The following NME2 variants were observed in gnomAD, a reference collection of about 807,000 sequenced individuals.
NME2 encodes nucleoside diphosphate kinase B.
NME2 carries 18 observed loss-of-function variants against 17.8 expected under a neutral mutation model. That is an observed-to-expected ratio of 1.01 (90% CI 0.70 to 1.50). The LOEUF (loss-of-function observed/expected upper bound fraction) is 1.50, where lower values mean the gene tolerates loss of function less well. NME2 is among the 40% of genes most tolerant of loss of function. The pLI, the probability that NME2 is intolerant of heterozygous loss-of-function variation, is 0.00. For synonymous variants in NME2, 74 were observed against 71.4 expected, an observed-to-expected ratio of 1.04 and a Z score of -0.19; for missense variants, 161 against 195.6, an observed-to-expected ratio of 0.82 and a Z score of 1.05.
chr17:51,168,448 G>A, intron 3 of NME2, 105 bp downstream of exon 3: 2 of 1,224,342 alleles, frequency 1.6e-6, no homozygotes, highest in Non-Finnish European at 2.3e-6. Context: ...AATGGAACCT[G>A]CTGAAGTTAC....
intron 4 of NME2, among the ~76,000 whole-genome samples, chr17:51,171,217 T>C (rs1356433129): frequency 6.6e-5 from 10 of 152,348 alleles, no homozygotes; most frequent in African/African-American, 2.4e-4. Flanking sequence ...GAGTGTTTTA[T>C]GTCTTCGGCA....
intron 2 of NME2, among the ~76,000 whole-genome samples, chr17:51,167,829 A>C (rs1187386727): frequency 6.6e-6 from 1 of 152,122 alleles, no homozygotes; most frequent in African/African-American, 2.4e-5. Flanking sequence ...TAAATAAATA[A>C]ATAAATAAAA....
chr17:51,167,039 C>G, intron 2 of NME2, 83 bp downstream of exon 2: 1 of 1,605,558 alleles, frequency 6.2e-7, no homozygotes, highest in Admixed American at 1.7e-5. Context: ...TCCGCGTCTG[C>G]TTTCCGAGTT....
At chr17:51,167,132 G>A in intron 2 of NME2, 176 bp downstream of exon 2, 1 of 1,373,308 alleles carries the variant, frequency 7.3e-7, no homozygotes, top group South Asian at 1.4e-5. Flanking sequence ...GGGGTGGTGG[G>A]GACAGACGCC....
chr17:51,167,242 A>T (rs1448049002), intron 2 of NME2: 1 of 508,180 alleles, frequency 2.0e-6, no homozygotes, highest in African/African-American at 2.0e-5. Flanking sequence ...GGCAGCAGGG[A>T]GCGGAAAAAC....
Position 51,168,468 on chromosome 17 carries a change from C to T in NME2, c.228+125C>T, listed in dbSNP as rs1333914330. 4.2e-6 allele frequency: 4 copies of T among 941,902 alleles called. No homozygotes were observed. The East Asian group carries it at 1.1e-4, about 26-fold the overall frequency. 58.3% of individuals were successfully genotyped at this position (941,902 alleles called of 1,614,324 possible). ...AACCTGCTGAAGTTACTTAACTGAGCAACTAGGAGCTTGGGAGGAGAAAGC... is the reference window on the plus strand; with the variant it reads ...AACCTGCTGAAGTTACTTAACTGAGTAACTAGGAGCTTGGGAGGAGAAAGC... On this transcript the variant is annotated intron_variant, in intron 3 of 4. Transcript: ENST00000512737.
At chr17:51,166,748 G>A in intron 1 of NME2, 79 bp from the exon 2 acceptor site, 1 of 1,417,722 alleles carries the variant, frequency 7.1e-7, no homozygotes, top group Middle Eastern at 2.4e-4. Context: ...GGGGAGGAGG[G>A]ACCGGCGGCG....
intron 1 of NME2, 124 bp downstream of exon 1, chr17:51,166,621 C>G (rs887912853): frequency 1.4e-5 from 5 of 365,506 alleles, no homozygotes; most frequent in African/African-American, 1.1e-4. Context: ...GGCGTCGGAG[C>G]GGGAGATTCC....
chr17:51,168,584 T>C (rs2049997542), intron 3 of NME2, among the ~76,000 whole-genome samples: 1 of 152,110 alleles, frequency 6.6e-6, no homozygotes, highest in African/African-American at 2.4e-5. Flanking sequence ...GGTAGGAGAA[T>C]TGCTTGAACC....
At chr17:51,166,977 C>T in intron 2 of NME2, 21 bp downstream of exon 2, 1 of 1,611,380 alleles carries the variant, frequency 6.2e-7, no homozygotes, top group Non-Finnish European at 8.5e-7. Flanking sequence ...CCCGTCTCCC[C>T]TTCCCCGCTG....
At position 51,171,518 on chromosome 17, in the gene NME2, A is replaced by T. The variant is rs375118509; in HGVS notation, c.373A>T (p.Ser125Cys). The change falls in exon 5 of 5, where the codon AGT becomes TGT. Residue 125 changes from serine (S) to cysteine (C), a missense_variant. Transcript: ENST00000512737. ...CATTCATGGCAGTGATTCAGTAAAA[A>T]GTGCTGAAAAAGAAATCAGCCTATG... is the stretch of plus-strand genomic sequence containing the variant. ...NIIHGSDSVKSAEKEISLWFK... is the reference protein window; with the variant it reads ...NIIHGSDSVKCAEKEISLWFK... The T allele has an allele frequency of 1.3e-5, 21 of 1,613,678 alleles. No homozygotes were observed. The highest frequency in any genetic ancestry group is 1.5e-5 in the Non-Finnish European group (18 of 1,179,748).
intron 4 of NME2, among the ~76,000 whole-genome samples, chr17:51,170,629 A>G (rs2050052032): frequency 6.6e-6 from 1 of 151,754 alleles, no homozygotes; most frequent in African/African-American, 2.4e-5. Context: ...CGTCTCTACT[A>G]AAAGTAAAAA....
chr17:51,166,666 G>A, intron 1 of NME2, 161 bp from the exon 2 acceptor site: 1 of 642,444 alleles, frequency 1.6e-6, no homozygotes, highest in Non-Finnish European at 2.2e-6. Context: ...TTCGGGCTCC[G>A]CAGAGGGACG....
chr17:51,169,743 C>A, intron 3 of NME2, 194 bp from the exon 4 acceptor site: 1 of 523,596 alleles, frequency 1.9e-6, no homozygotes, highest in Non-Finnish European at 3.3e-6. Flanking sequence ...CCAAGTTGGA[C>A]AGACTTTTCT....
intron 3 of NME2, chr17:51,169,640 C>T (rs551588389): frequency 6.7e-6 from 2 of 298,716 alleles, no homozygotes; most frequent in East Asian, 2.1e-4. Context: ...AGACTGGCCA[C>T]TTTCTCCTTT....
At chr17:51,167,034 G>A (rs867082303) in intron 2 of NME2, 78 bp downstream of exon 2, 4 of 1,606,484 alleles carry the variant, frequency 2.5e-6, no homozygotes, top group African/African-American at 2.7e-5. Flanking sequence ...GTTTGTCCGC[G>A]TCTGCTTTCC....
chr17:51,170,851 GACA>G (rs1031079604), intron 4 of NME2, among the ~76,000 whole-genome samples: 1 of 149,394 alleles, frequency 6.7e-6, no homozygotes. Flanking sequence ...TTTTAAGCAA[GACA>G]ACAAGGGAGC....
chr17:51,166,813 C>G lies in NME2; in HGVS notation c.-4-14C>G. ...GCCTGCGCCCGGGCCCTGACCGCAC[C>G]TCTCGCCCCGCAGGACCATGGCCAA... On this transcript the variant is annotated splice_polypyrimidine_tract_variant and intron_variant, in intron 1 of 4. Coordinates refer to ENST00000512737, the MANE Select transcript of NME2 (RefSeq NM_002512.4). 2.5e-6 allele frequency: 4 copies of G among 1,604,218 alleles called. No homozygotes were observed. Among genetic ancestry groups the G allele is most frequent in the Non-Finnish European group, 3.4e-6 (4 of 1,175,884 alleles).
In NME2 at chr17:51,170,062, A is replaced by T. The variant is rs764460380; in HGVS notation, c.341+13A>T. 1 of 1,598,052 alleles carries T rather than the reference A, an allele frequency of 6.3e-7. No homozygotes were observed. Among genetic ancestry groups the T allele is most frequent in the South Asian group, 1.1e-5 (1 of 88,678 alleles). On this transcript the variant is annotated intron_variant, in intron 4 of 4. Coordinates refer to ENST00000512737, the MANE Select transcript of NME2 (RefSeq NM_002512.4). ...TTCAGGTTGGCAGGTAAGTCCGGGGACAGGAGGGTGGATGACTTTTATGCA... is the reference window on the plus strand; with the variant it reads ...TTCAGGTTGGCAGGTAAGTCCGGGGTCAGGAGGGTGGATGACTTTTATGCA...
Sources: gnomAD v4.1 joint callset for allele counts (sites outside exome capture counted in the v4.1 genomes callset) on GRCh38, gnomAD v4.1.1 for gene constraint, MANE v1.5 for transcripts, NCBI Gene and HGNC (gene_info 2026-07-23, HGNC 2026-07-21) for gene names.